The following AGBL3 variants were observed in gnomAD, a reference collection of about 807,000 sequenced individuals.
AGBL3 encodes the protein AGBL carboxypeptidase 3.
Under a neutral mutation model 94.5 loss-of-function variants are expected in AGBL3, and 68 were observed. That is an observed-to-expected ratio of 0.72 (90% CI 0.59 to 0.88). AGBL3 has a LOEUF of 0.88. AGBL3 is among the 40% of genes least tolerant of loss of function. The probability of loss-of-function intolerance (pLI) is 0.00; values close to 1 mark genes in which losing one functional copy is unlikely to be tolerated. For synonymous variants in AGBL3, 354 were observed against 370.7 expected, an observed-to-expected ratio of 0.95 and a Z score of 0.52; for missense variants, 934 against 1,103.8, an observed-to-expected ratio of 0.85 and a Z score of 2.18.
In AGBL3 at chr7:135,019,959, C is replaced by G. The variant is rs539249145; in HGVS notation, c.418+2800C>G. Among the ~76,000 whole-genome samples the G allele has an allele frequency of 2.3e-3, 346 of 152,268 alleles. 1 individual carries two copies. Among genetic ancestry groups the G allele is most frequent in the African/African-American group, 7.6e-3 (316 of 41,554 alleles). ...TGTTAGACCTAAAACCATAAAAACC[C>G]TAGAAGAAAACCTAGGCAATACCAT... On this transcript the variant is annotated intron_variant, in intron 5 of 16. Coordinates refer to ENST00000436302, the MANE Select transcript of AGBL3 (RefSeq NM_178563.4).
chr7:134,998,129 T>C (rs1338758120), intron 4 of AGBL3, among the ~76,000 whole-genome samples: 2 of 152,184 alleles, frequency 1.3e-5, no homozygotes, highest in African/African-American at 4.8e-5. Flanking sequence ...ATACTGTATC[T>C]GCAGTATTGT....
At chr7:135,049,195 C>A (rs1219139527) in intron 11 of AGBL3, among the ~76,000 whole-genome samples, 3 of 151,808 alleles carry the variant, frequency 2.0e-5, no homozygotes, top group African/African-American at 7.2e-5. Context: ...GGATTTTTAT[C>A]CTTTATTCTG....
chr7:135,055,480 T>C (rs1233503842), intron 11 of AGBL3, among the ~76,000 whole-genome samples: 1 of 152,080 alleles, frequency 6.6e-6, no homozygotes, highest in African/African-American at 2.4e-5. Context: ...TGAATATGTG[T>C]TGGATTTTGT....
At chr7:135,069,962 A>T (rs1160679442) in intron 12 of AGBL3, among the ~76,000 whole-genome samples, 1 of 152,210 alleles carries the variant, frequency 6.6e-6, no homozygotes, top group African/African-American at 2.4e-5. Context: ...CATCAACAAA[A>T]TTGATAGACT....
At chr7:134,986,873 G>C (rs1180106227) in intron 1 of AGBL3, among the ~76,000 whole-genome samples, 172 bp downstream of exon 1, 1 of 152,266 alleles carries the variant, frequency 6.6e-6, no homozygotes, top group Non-Finnish European at 1.5e-5. Context: ...TCGGGACGCG[G>C]CTAAGCGTGG....
chr7:135,118,251 A>G (rs1394347873), intron 16 of AGBL3, among the ~76,000 whole-genome samples: 1 of 152,198 alleles, frequency 6.6e-6, no homozygotes, highest in Non-Finnish European at 1.5e-5. Context: ...CTGTACCTTC[A>G]TGCTCAGGCC....
chr7:135,008,305 A>T (rs1370927674), intron 4 of AGBL3, among the ~76,000 whole-genome samples: 1 of 152,184 alleles, frequency 6.6e-6, no homozygotes, highest in East Asian at 1.9e-4. Flanking sequence ...AGTGAATTAC[A>T]TTGGAAGTCC....
chr7:135,034,925 A>G lies in AGBL3; in HGVS notation c.1334A>G (p.His445Arg). 6.7e-7 allele frequency: 1 copy of G among 1,488,612 alleles called. No individual in the cohort carries two copies. Among genetic ancestry groups the G allele is most frequent in the Non-Finnish European group, 8.9e-7 (1 of 1,120,406 alleles). The allele number at this position is 1,488,612 out of a possible 1,614,324, so 92.2% of individuals were successfully genotyped here. The change falls in exon 7 of 17, where the codon CAT (histidine) becomes CGT (arginine). Residue 445 changes from histidine (H) to arginine (R), a missense_variant. His to Arg is a conservative substitution (Grantham distance 29). This residue lies in a region of AGBL3 where 488 missense variants were observed against 563.6 expected (regional missense o/e 0.87). Transcript: ENST00000436302. ...GTATGGTATACCCGGAACATGGTTC[A>G]TAGGTAAAATAAGCCTCAAATTACC... ...PSVWYTRNMV[H>R]RLMEKREVIL...
intron 16 of AGBL3, 80 bp from the exon 17 acceptor site, chr7:135,134,760 AT>A: frequency 7.9e-7 from 1 of 1,262,690 alleles, no homozygotes. Context: ...GAAAAATATT[AT>A]TTATACTATG....
At chr7:135,100,119 C>T (rs1406342270) in intron 15 of AGBL3, 2 of 151,244 alleles carry the variant, frequency 1.3e-5, no homozygotes, top group Non-Finnish European at 2.9e-5. Context: ...ATCTCCCGAC[C>T]TCGTGATCTG....
chr7:135,072,529 GA>G (rs1820021859), intron 12 of AGBL3, among the ~76,000 whole-genome samples: 2 of 152,150 alleles, frequency 1.3e-5, no homozygotes, highest in African/African-American at 2.4e-5. Flanking sequence ...GTCCAACAAT[GA>G]TAGACTGGAT....
intron 16 of AGBL3, among the ~76,000 whole-genome samples, chr7:135,128,291 C>CAAAA (rs61217008): frequency 1.0e-4 from 6 of 58,074 alleles, no homozygotes; most frequent in African/African-American, 4.1e-4. Flanking sequence ...GACTCCATCT[C>CAAAA]AAAAAAAAAA....
chr7:134,986,851 G>A (rs1348489593), intron 1 of AGBL3, 150 bp downstream of exon 1: 3 of 152,318 alleles, frequency 2.0e-5, no homozygotes, highest in Non-Finnish European at 4.4e-5. Flanking sequence ...CGCCAAAAAC[G>A]CCTTGGTACT....
At chr7:135,044,471 A>G (rs568964542) in intron 9 of AGBL3, among the ~76,000 whole-genome samples, 2 of 152,172 alleles carry the variant, frequency 1.3e-5, no homozygotes, top group African/African-American at 4.8e-5. Context: ...TGGATTTGCT[A>G]TTTGCAAGGC....
chr7:135,119,333 G>A (rs984278420), intron 16 of AGBL3, among the ~76,000 whole-genome samples: 2 of 151,850 alleles, frequency 1.3e-5, no homozygotes, highest in Admixed American at 1.3e-4. Context: ...GGGTTCAAGT[G>A]ATTCTCGTGC....
chr7:134,992,289 C>T (rs1206579933), intron 3 of AGBL3, among the ~76,000 whole-genome samples: 1 of 152,200 alleles, frequency 6.6e-6, no homozygotes. Flanking sequence ...ACAGTCTTTA[C>T]TCCGGGGCTG....
intron 11 of AGBL3, among the ~76,000 whole-genome samples, chr7:135,052,097 C>G (rs1817927799): frequency 6.6e-6 from 1 of 152,082 alleles, no homozygotes; most frequent in South Asian, 2.1e-4. Context: ...CCCCATCCCC[C>G]CTTCTGTACC....
chr7:135,101,184 T>C, intron 15 of AGBL3: 1 of 456,184 alleles, frequency 2.2e-6, no homozygotes, highest in Non-Finnish European at 4.4e-6. Context: ...GGGAACTGAT[T>C]TGTATGGAAA....
In AGBL3 at chr7:135,105,830, A is replaced by G. The variant is rs190655059; in HGVS notation, c.2111-9550A>G. Among the ~76,000 whole-genome samples, 130 of 152,342 alleles carry G rather than the reference A, an allele frequency of 8.5e-4. 2 individuals are homozygous for G. In the East Asian group the frequency reaches 0.011, roughly 13 times the overall value. ...ATTGAATCTGTAAATTGCTTTGGAC[A>G]ATATGACCATTTTAATGACATTGAT... is the stretch of plus-strand genomic sequence containing the variant. On this transcript the variant is annotated intron_variant, in intron 15 of 16. Coordinates refer to ENST00000436302, the MANE Select transcript of AGBL3 (RefSeq NM_178563.4).
Sources: allele counts gnomAD v4.1 joint callset (sites outside exome capture counted in the v4.1 genomes callset), GRCh38; gene constraint gnomAD v4.1.1; regional missense constraint gnomAD v4.1.1; transcripts MANE v1.5; gene names NCBI Gene and HGNC (gene_info 2026-07-23, HGNC 2026-07-21).